RAB6A: variants seen among roughly 807,000 people sequenced by gnomAD.
RAB6A encodes the protein ras-related protein Rab-6A.
Under a neutral mutation model 32.3 loss-of-function variants are expected in RAB6A, and 8 were observed. The observed-to-expected ratio is 0.25, with a 90% CI of 0.15 to 0.45. The LOEUF (loss-of-function observed/expected upper bound fraction) is 0.45. Among genes scored for constraint, RAB6A ranks in the 20% least tolerant of loss-of-function variants. The pLI, the probability that RAB6A is intolerant of heterozygous loss-of-function variation, is 1.00. For missense variants in RAB6A, 104 were observed against 249.4 expected (o/e 0.42, Z 3.93); for synonymous variants, 73 against 82.1 (o/e 0.89, Z 0.60).
chr11:73,728,448 T>C (rs1178631104), intron 2 of RAB6A, among the ~76,000 whole-genome samples: 1 of 151,922 alleles, frequency 6.6e-6, no homozygotes, highest in Non-Finnish European at 1.5e-5. Context: ...TAATGTATTA[T>C]GTTTATTGCT....
chr11:73,733,962 A>C lies in RAB6A; in HGVS notation c.71-3139T>G, dbSNP rs141574179. 5.3e-3 allele frequency among the ~76,000 whole-genome samples: 812 copies of C among 152,290 alleles called. 7 individuals are homozygous for C. The highest frequency in any genetic ancestry group is 0.018 in the African/African-American group (741 of 41,554). ...TACTTTAAAATAAAATCTTTTTCTC[A>C]AAGAGTAAAACACTTTACTATATAT... On this transcript the variant is annotated intron_variant, in intron 1 of 7. Coordinates refer to ENST00000336083, the MANE Select transcript of RAB6A (RefSeq NM_198896.2).
At chr11:73,730,648 C>A (rs1213634545) in intron 2 of RAB6A, 117 bp downstream of exon 2, 1 of 777,016 alleles carries the variant, frequency 1.3e-6, no homozygotes, top group African/African-American at 1.8e-5. Context: ...CAGCATTTTA[C>A]AGATTATAGA....
chr11:73,719,642 T>TGG (rs1182518099), intron 3 of RAB6A, among the ~76,000 whole-genome samples: 1 of 150,932 alleles, frequency 6.6e-6, no homozygotes, highest in African/African-American at 2.4e-5. Context: ...TTAGACAGAC[T>TGG]CTCATTCTTG....
intron 1 of RAB6A, among the ~76,000 whole-genome samples, chr11:73,733,233 C>T (rs1946345108): frequency 6.6e-6 from 1 of 152,076 alleles, no homozygotes; most frequent in African/African-American, 2.4e-5. Flanking sequence ...ATCAAGCCAT[C>T]CCTTGCTGGA....
chr11:73,737,351 G>A (rs1377965461), intron 1 of RAB6A, among the ~76,000 whole-genome samples: 1 of 152,016 alleles, frequency 6.6e-6, no homozygotes, highest in South Asian at 2.1e-4. Flanking sequence ...AGAGTGTGGT[G>A]GCATGCACCT....
intron 1 of RAB6A, among the ~76,000 whole-genome samples, chr11:73,739,284 A>AAAAAAAAT (rs1208877325): frequency 4.4e-4 from 3 of 6,760 alleles, no homozygotes; most frequent in Non-Finnish European, 6.8e-4. Context: ...AAAAAAAAAA[A>AAAAAAAAT]ATATATATAT....
rs1590857175 is a variant in RAB6A, at chr11:73,716,318, T to G, written c.334A>C (p.Arg112=). The change falls in exon 5 of 8, where the codon AGA becomes CGA. Residue 112 remains arginine (R), a synonymous_variant. Transcript: ENST00000336083. ...ATAACATCACTTCCTCTTTCTGTTCTGACATCATCAATCCACTTTGTAGTT... is the reference window on the plus strand; with the variant it reads ...ATAACATCACTTCCTCTTTCTGTTCGGACATCATCAATCCACTTTGTAGTT... ...QQTTKWIDDV[R]TERGSDVIIM... is the part of the protein sequence containing the mutation. The G allele has an allele frequency of 6.2e-7, 1 of 1,613,668 alleles. No individual in the cohort carries two copies. The highest frequency in any genetic ancestry group is 2.2e-5 in the East Asian group (1 of 44,870).
chr11:73,679,970 C>A (rs968834641), intron 6 of RAB6A, among the ~76,000 whole-genome samples: 1 of 152,072 alleles, frequency 6.6e-6, no homozygotes, highest in African/African-American at 2.4e-5. Flanking sequence ...TGGTGGCACA[C>A]GCCTATAGTC....
intron 6 of RAB6A, among the ~76,000 whole-genome samples, chr11:73,705,100 A>G (rs183345787): frequency 6.6e-6 from 1 of 152,222 alleles, no homozygotes; most frequent in Admixed American, 6.5e-5. Context: ...ACTGTATGCT[A>G]TCTGATAATT....
chr11:73,759,947 T>G, intron 1 of RAB6A: 15 of 553,410 alleles, frequency 2.7e-5, no homozygotes, highest in Non-Finnish European at 3.9e-5. Context: ...AACCACCCCA[T>G]GCTCAAGTCG....
chr11:73,735,704 A>C (rs1946382486), intron 1 of RAB6A, among the ~76,000 whole-genome samples: 1 of 152,120 alleles, frequency 6.6e-6, no homozygotes, highest in South Asian at 2.1e-4. Flanking sequence ...ATAAATTTAA[A>C]TACGTAACTC....
chr11:73,736,524 G>A (rs930976883), intron 1 of RAB6A, among the ~76,000 whole-genome samples: 1 of 151,792 alleles, frequency 6.6e-6, no homozygotes, highest in Admixed American at 6.6e-5. Context: ...GCGCGGTGTG[G>A]CTCACGCCTG....
At chr11:73,741,532 A>G (rs1405769389) in intron 1 of RAB6A, among the ~76,000 whole-genome samples, 2 of 150,224 alleles carry the variant, frequency 1.3e-5, no homozygotes, top group African/African-American at 4.9e-5. Context: ...CTGCACAAGA[A>G]AAAAAAAAAG....
At chr11:73,728,321 T>C (rs1411792731) in intron 2 of RAB6A, among the ~76,000 whole-genome samples, 2 of 152,210 alleles carry the variant, frequency 1.3e-5, no homozygotes, top group Non-Finnish European at 2.9e-5. Flanking sequence ...TGAAGTTTCC[T>C]TCTATTCCTA....
chr11:73,727,234 C>A (rs1946236427), intron 2 of RAB6A, among the ~76,000 whole-genome samples: 1 of 151,780 alleles, frequency 6.6e-6, no homozygotes, highest in Non-Finnish European at 1.5e-5. Flanking sequence ...AAGACTTAGG[C>A]AAGATGGCAA....
At chr11:73,728,998 G>A (rs1032284536) in intron 2 of RAB6A, among the ~76,000 whole-genome samples, 4 of 152,024 alleles carry the variant, frequency 2.6e-5, no homozygotes, top group Non-Finnish European at 5.9e-5. Flanking sequence ...TTCTTCTTGA[G>A]ATAGTTTTAG....
At chr11:73,725,664 C>A (rs938041138) in intron 2 of RAB6A, among the ~76,000 whole-genome samples, 4 of 152,160 alleles carry the variant, frequency 2.6e-5, no homozygotes, top group African/African-American at 4.8e-5. Flanking sequence ...GAAACCACCC[C>A]CAATGATTCA....
In RAB6A at chr11:73,718,594, C is replaced by T; in HGVS notation, c.289+19G>A. 6.3e-7 allele frequency: 1 copy of T among 1,581,692 alleles called. No homozygotes were observed. The highest frequency in any genetic ancestry group is 1.7e-4 in the Middle Eastern group (1 of 5,942). On this transcript the variant is annotated intron_variant, in intron 4 of 7. Transcript: ENST00000336083. ...AAAGGTTGAAAGAAGATTAGAAATG[C>T]ATAATTCCCTCCACTCACTTGTGAT...
chr11:73,750,067 T>G (rs182425027), intron 1 of RAB6A, among the ~76,000 whole-genome samples: 31 of 152,206 alleles, frequency 2.0e-4, no homozygotes, highest in Non-Finnish European at 4.6e-4. Flanking sequence ...CAGGTAAAGA[T>G]GAGTGTTAGA....
Sources: allele counts gnomAD v4.1 joint callset (sites outside exome capture counted in the v4.1 genomes callset), GRCh38; gene constraint gnomAD v4.1.1; transcripts MANE v1.5; gene names NCBI Gene and HGNC (gene_info 2026-07-23, HGNC 2026-07-21).